IRS1: variants seen among roughly 807,000 people sequenced by gnomAD.
IRS1 encodes the protein insulin receptor substrate 1.
A neutral mutation model predicts 65.6 loss-of-function variants in IRS1; 34 were observed. That is an observed-to-expected ratio of 0.52 (90% CI 0.39 to 0.69). The LOEUF is 0.69. Ranked by LOEUF, IRS1 falls within the 30% of genes least tolerant of loss-of-function variation. IRS1 has a pLI of 0.00. For missense variants in IRS1, 1,641 were observed against 1,720.2 expected (o/e 0.95, Z 0.81); for synonymous variants, 699 against 683.5 (o/e 1.02, Z -0.35).
intron 1 of IRS1, among the ~76,000 whole-genome samples, chr2:226,759,104 G>C (rs1938863520): frequency 6.6e-6 from 1 of 152,134 alleles, no homozygotes; most frequent in African/African-American, 2.4e-5. Flanking sequence ...GTCCGGGGCT[G>C]GTGCAAGGGA....
intron 1 of IRS1, among the ~76,000 whole-genome samples, chr2:226,736,453 C>T (rs1481741119): frequency 3.3e-5 from 5 of 152,122 alleles, no homozygotes; most frequent in Non-Finnish European, 7.4e-5. Context: ...AAATCACTAA[C>T]CAAAAGTCAT....
rs1458434309 is a variant in IRS1 at position 226,798,490 on chromosome 2, C to A, written c.249G>T (p.Leu83=). ...NKRADSKNKH[L]VALYTRDEHF... is the part of the protein sequence containing the mutation. ...GCTCGTCCCGGGTGTAGAGAGCCAC[C>A]AGGTGCTTGTTCTTGGAGTCAGCCC... The change falls in exon 1 of 2, where the codon CTG becomes CTT. Residue 83 remains leucine, a synonymous_variant. Transcript: ENST00000305123. This position sits in a 1 kb window ranked among gnomAD's most constrained non-coding sequence, Gnocchi z 9.4. 1.9e-6 allele frequency: 3 copies of A among 1,614,094 alleles called. No individual in the cohort carries two copies. The South Asian group carries it at 3.3e-5, about 18-fold the overall frequency.
At chr2:226,790,802 C>T (rs913484545) in intron 1 of IRS1, among the ~76,000 whole-genome samples, 3 of 152,132 alleles carry the variant, frequency 2.0e-5, no homozygotes, top group Non-Finnish European at 2.9e-5. Flanking sequence ...ACACATTTTC[C>T]ATCCCATGTA....
intron 1 of IRS1, among the ~76,000 whole-genome samples, chr2:226,777,621 T>C (rs967656035): frequency 2.6e-5 from 4 of 152,172 alleles, no homozygotes; most frequent in Non-Finnish European, 4.4e-5. Context: ...TGGGAGATGA[T>C]TGAATCATGG....
intron 1 of IRS1, among the ~76,000 whole-genome samples, chr2:226,768,925 G>A (rs190905636): frequency 2.5e-4 from 38 of 152,250 alleles, no homozygotes; most frequent in African/African-American, 7.2e-4. Flanking sequence ...GTGAGCCACC[G>A]CACCCAGCGA....
rs187836286 is a variant in IRS1, at chr2:226,735,058, A to T, written c.*1214T>A. The T allele has an allele frequency of 3.3e-5, 5 of 152,340 alleles. No homozygotes were observed. The highest frequency in any genetic ancestry group is 2.0e-4 in the Admixed American group (3 of 15,298). 9.4% of individuals were successfully genotyped at this position (152,340 alleles called of 1,614,324 possible). ...GACACATAGCCCTGGTCATAATGAA[A>T]AACACTTACTGGAATTTTAATTTCT... is the stretch of plus-strand genomic sequence containing the variant. On this transcript the variant is annotated 3_prime_UTR_variant, in exon 2 of 2. Transcript: ENST00000305123.
Position 226,796,193 on chromosome 2 carries a change from G to A in IRS1, c.2546C>T (p.Ala849Val). The change falls in exon 1 of 2, where the codon GCT (alanine) becomes GTT (valine). Residue 849 changes from alanine to valine, a missense_variant. This residue lies in a region of IRS1 where 1,324 missense variants were observed against 1,361.0 expected (regional missense o/e 0.97). Coordinates refer to ENST00000305123, the MANE Select transcript of IRS1 (RefSeq NM_005544.3). ...PHLPRKVDTA[A>V]QTNSRLARPT... ...CCGGGCCAGGCGGCTATTGGTCTGA[G>A]CAGCTGTGTCCACCTTTCGAGGCAG... The A allele has an allele frequency of 6.2e-7, 1 of 1,613,634 alleles. No homozygotes were observed. Among genetic ancestry groups the A allele is most frequent in the South Asian group, 1.1e-5 (1 of 91,072 alleles).
chr2:226,776,088 G>A (rs1939267123), intron 1 of IRS1, among the ~76,000 whole-genome samples: 1 of 152,030 alleles, frequency 6.6e-6, no homozygotes, highest in South Asian at 2.1e-4. Flanking sequence ...AAATAAACAA[G>A]GTGATCCTGT....
At chr2:226,744,008 T>C (rs1427757115) in intron 1 of IRS1, among the ~76,000 whole-genome samples, 10 of 152,242 alleles carry the variant, frequency 6.6e-5, no homozygotes, top group Non-Finnish European at 1.2e-4. Flanking sequence ...AGCAAGCGTC[T>C]GATTTTACAT....
chr2:226,746,681 C>T (rs890864100), intron 1 of IRS1, among the ~76,000 whole-genome samples: 2 of 152,050 alleles, frequency 1.3e-5, no homozygotes, highest in Admixed American at 6.6e-5. Flanking sequence ...GTCTTACTTC[C>T]ACTTTGCTCC....
rs1234978068 is a variant in IRS1 at position 226,732,465 on chromosome 2, C to CATCT, written c.*3803_*3806dup. 1.5e-5 allele frequency: 2 copies of CATCT among 130,422 alleles called. No homozygotes were observed. The highest frequency in any genetic ancestry group is 3.1e-5 in the Non-Finnish European group (2 of 64,614). The allele number at this position is 130,422 out of a possible 1,614,324, so 8.1% of individuals were successfully genotyped here. ...CTCTCAAGTTTCTCACAAGCCTATA[C>CATCT]ATCTATATATATATATATATATATA... On this transcript the variant is annotated 3_prime_UTR_variant, in exon 2 of 2. Coordinates refer to ENST00000305123, the MANE Select transcript of IRS1 (RefSeq NM_005544.3).
Position 226,798,102 on chromosome 2 carries a change from G to T in IRS1, c.637C>A (p.Arg213Ser). The T allele has an allele frequency of 6.2e-7, 1 of 1,613,926 alleles. No homozygotes were observed. ...AVVLQLMNIR[R>S]CGHSENFFFI... Reference sequence around the variant, plus strand: ...AAGAAGTTTTCCGAGTGGCCACAGCGCCTGATGTTCATCAGCTGCAGCACC... The same window carrying T: ...AAGAAGTTTTCCGAGTGGCCACAGCTCCTGATGTTCATCAGCTGCAGCACC... Residue 213 changes from arginine to serine, a missense_variant, in exon 1 of 2, where the codon CGC becomes AGC. Transcript: ENST00000305123. This position sits in a 1 kb window ranked among gnomAD's most constrained non-coding sequence, Gnocchi z 9.4.
At chr2:226,758,941 G>T (rs570704832) in intron 1 of IRS1, among the ~76,000 whole-genome samples, 7 of 152,204 alleles carry the variant, frequency 4.6e-5, no homozygotes, top group Non-Finnish European at 7.4e-5. Flanking sequence ...TAGCAAAGAT[G>T]CTCATTGCAC....
chr2:226,769,508 CT>C (rs1939123221), intron 1 of IRS1, among the ~76,000 whole-genome samples: 1 of 152,226 alleles, frequency 6.6e-6, no homozygotes, highest in South Asian at 2.1e-4. Context: ...CGAGGCTGTC[CT>C]TCCAGCCAAC....
At chr2:226,786,745 T>C (rs1162182128) in intron 1 of IRS1, among the ~76,000 whole-genome samples, 1 of 144,392 alleles carries the variant, frequency 6.9e-6, no homozygotes, top group African/African-American at 2.6e-5. Context: ...AAAAAAATAG[T>C]GTGAAGAGAC....
rs1182426741 is a variant in IRS1, at chr2:226,777,589, AT to A, written c.*21+17399del. On this transcript the variant is annotated intron_variant, in intron 1 of 1. Transcript: ENST00000305123. ...TCATCTTGTAGCTCCCATAATTCCC[AT>A]GTGTTATGAGAGGGACCCTTTGGGA... Among the ~76,000 whole-genome samples the A allele has an allele frequency of 2.6e-5, 4 of 152,242 alleles. No individual in the cohort carries two copies. The East Asian group carries it at 5.8e-4, about 22-fold the overall frequency.
chr2:226,752,755 T>C (rs567264709), intron 1 of IRS1, among the ~76,000 whole-genome samples: 1 of 152,316 alleles, frequency 6.6e-6, no homozygotes, highest in Admixed American at 6.5e-5. Flanking sequence ...ATGTAACCTT[T>C]AAAACGGTAT....
intron 1 of IRS1, among the ~76,000 whole-genome samples, chr2:226,791,084 G>A (rs1316504122): frequency 6.6e-6 from 1 of 152,168 alleles, no homozygotes; most frequent in Non-Finnish European, 1.5e-5. Flanking sequence ...CCAGGAGGAT[G>A]CGTTTTCCCA....
intron 1 of IRS1, among the ~76,000 whole-genome samples, chr2:226,755,664 T>C (rs1938782481): frequency 2.0e-5 from 3 of 152,246 alleles, no homozygotes; most frequent in African/African-American, 7.2e-5. Flanking sequence ...GAAGTCTGTT[T>C]CTTCATCCCA....
Sources: gnomAD v4.1 joint callset for allele counts (sites outside exome capture counted in the v4.1 genomes callset) on GRCh38, gnomAD v4.1.1 for gene constraint, gnomAD v4.1.1 regional missense constraint, Gnocchi (gnomAD v3.1) non-coding constraint, MANE v1.5 for transcripts, NCBI Gene and HGNC (gene_info 2026-07-23, HGNC 2026-07-21) for gene names.